PKD1L1: variants seen among roughly 807,000 people sequenced by gnomAD.
PKD1L1 encodes polycystin-1-like protein 1.
A neutral mutation model predicts 323.4 loss-of-function variants in PKD1L1; 236 were observed. That is an observed-to-expected ratio of 0.73 (90% CI 0.66 to 0.81). The LOEUF (loss-of-function observed/expected upper bound fraction) is 0.81. Among genes scored for constraint, PKD1L1 ranks in the 40% least tolerant of loss-of-function variants. PKD1L1 has a pLI of 0.00. For synonymous variants in PKD1L1, 1,344 were observed against 1,335.0 expected (o/e 1.01, Z -0.15); for missense variants, 3,320 against 3,508.0 (o/e 0.95, Z 1.35).
intron 40 of PKD1L1, 134 bp from the exon 41 acceptor site, chr7:47,833,386 T>A: frequency 2.1e-6 from 2 of 957,192 alleles, no homozygotes; most frequent in African/African-American, 1.6e-5. Flanking sequence ...CTGAGGCCTC[T>A]AAAGACTTCT....
chr7:47,926,754 C>A (rs527913561), intron 7 of PKD1L1, among the ~76,000 whole-genome samples: 1 of 152,266 alleles, frequency 6.6e-6, no homozygotes, highest in South Asian at 2.1e-4. Flanking sequence ...GAGAGGAAAC[C>A]AGCATTGGTA....
At chr7:47,940,834 C>T (rs1007049819) in intron 2 of PKD1L1, among the ~76,000 whole-genome samples, 7 of 152,178 alleles carry the variant, frequency 4.6e-5, no homozygotes, top group African/African-American at 7.2e-5. Flanking sequence ...GGCTGAAGGC[C>T]GGGCAGTGAG....
chr7:47,907,302 AC>A (rs2128751409), intron 9 of PKD1L1, among the ~76,000 whole-genome samples: 1 of 152,160 alleles, frequency 6.6e-6, no homozygotes, highest in Non-Finnish European at 1.5e-5. Context: ...GGGAAATGTG[AC>A]CCCATCATCC....
intron 50 of PKD1L1, among the ~76,000 whole-genome samples, chr7:47,810,488 T>A (rs1298281965): frequency 6.6e-6 from 1 of 152,222 alleles, no homozygotes; most frequent in African/African-American, 2.4e-5. Flanking sequence ...AAGTACTTTA[T>A]GTGTCTCCCC....
the PKD1L1 span, among the ~76,000 whole-genome samples, chr7:47,956,267 T>C: frequency 3.3e-5 from 5 of 152,144 alleles, no homozygotes; most frequent in South Asian, 1.0e-3. Context: ...GTTTCTACAG[T>C]GGGAAAAGAG....
intron 36 of PKD1L1, among the ~76,000 whole-genome samples, chr7:47,837,304 G>C (rs1013056222): frequency 6.6e-6 from 1 of 152,188 alleles, no homozygotes; most frequent in Admixed American, 6.5e-5. Context: ...TGGCTGGTTA[G>C]CTGGGTACTA....
intron 15 of PKD1L1, among the ~76,000 whole-genome samples, chr7:47,893,229 CAAAAAAA>C (rs529686945): frequency 0.043 from 2,267 of 52,980 alleles, 33 homozygotes; most frequent in African/African-American, 0.079. Flanking sequence ...GACCCTATCT[CAAAAAAA>C]AAAAAAAAAA....
chr7:47,920,302 A>AAC (rs751679311), intron 7 of PKD1L1, among the ~76,000 whole-genome samples: 86 of 151,472 alleles, frequency 5.7e-4, no homozygotes, highest in Admixed American at 9.2e-4. Context: ...CAAAAACAAA[A>AAC]AAAAAAAACC....
chr7:47,897,329 C>T (rs1786977933), intron 14 of PKD1L1, among the ~76,000 whole-genome samples: 1 of 152,194 alleles, frequency 6.6e-6, no homozygotes, highest in South Asian at 2.1e-4. Context: ...TGATCAGGTT[C>T]CCGCAGCCTG....
rs753660239 is a variant in PKD1L1 at position 47,806,826 on chromosome 7, C to T, written c.7827+1421G>A. 1.1e-4 allele frequency among the ~76,000 whole-genome samples: 16 copies of T among 152,216 alleles called. 1 individual carries two copies. The highest frequency in any genetic ancestry group is 1.6e-4 in the Non-Finnish European group (11 of 68,036). The stretch of plus-strand genomic sequence containing the variant: ...GATAAGGAGGAACTACATGGAAGAG[C>T]GTGGGCTCTGGTCATGTTCCTCCAA... On this transcript the variant is annotated intron_variant, in intron 52 of 56. Transcript: ENST00000289672.
intron 17 of PKD1L1, among the ~76,000 whole-genome samples, chr7:47,887,168 T>C (rs1786703493): frequency 6.6e-6 from 1 of 152,246 alleles, no homozygotes; most frequent in African/African-American, 2.4e-5. Flanking sequence ...TCACCCTCTA[T>C]GTCTTCATGT....
intron 31 of PKD1L1, among the ~76,000 whole-genome samples, chr7:47,852,007 T>C (rs372035298): frequency 6.6e-6 from 1 of 152,228 alleles, no homozygotes; most frequent in African/African-American, 2.4e-5. Flanking sequence ...GAATAGATAT[T>C]CTTGAATTAA....
At chr7:47,953,969 T>C in the PKD1L1 span, among the ~76,000 whole-genome samples, 10 of 152,248 alleles carry the variant, frequency 6.6e-5, no homozygotes, top group African/African-American at 2.4e-4. Flanking sequence ...ACTAGAATTT[T>C]CTCTCAGCAA....
chr7:47,879,632 CAAAAA>C (rs1254218793), intron 21 of PKD1L1, among the ~76,000 whole-genome samples: 1 of 58,736 alleles, frequency 1.7e-5, no homozygotes. Flanking sequence ...GACTTTGTCT[CAAAAA>C]AAAAAAAAAA....
chr7:47,838,746 C>T (rs561740212), intron 36 of PKD1L1, among the ~76,000 whole-genome samples: 19 of 151,866 alleles, frequency 1.3e-4, no homozygotes, highest in East Asian at 3.9e-4. Flanking sequence ...GGCATGGTGG[C>T]GTGTGCCTGT....
At chr7:47,897,169 G>C (rs1786954923) in intron 14 of PKD1L1, among the ~76,000 whole-genome samples, 1 of 152,296 alleles carries the variant, frequency 6.6e-6, no homozygotes, top group Non-Finnish European at 1.5e-5. Flanking sequence ...GGGAGGATTT[G>C]CTTCCTCAGG....
chr7:47,813,140 G>A lies in PKD1L1; in HGVS notation c.7327C>T (p.Leu2443Phe). The A allele has an allele frequency of 6.2e-7, 1 of 1,613,608 alleles. No homozygotes were observed. The highest frequency in any genetic ancestry group is 8.5e-7 in the Non-Finnish European group (1 of 1,179,992). ...ACTGACCTTGTTCTGCCCAGGCTGAGCACACAGTCCTCCCTTGTCCCACAG... is the reference window on the plus strand; with the variant it reads ...ACTGACCTTGTTCTGCCCAGGCTGAACACACAGTCCTCCCTTGTCCCACAG... ...GGCGTREDCV[L>F]SLGRTRTEAH... Residue 2443 changes from leucine (L) to phenylalanine (F), a missense_variant, in exon 49 of 57, where the codon CTC becomes TTC. By Grantham distance (22) the Leu-to-Phe change is conservative (BLOSUM62 0). Coordinates refer to ENST00000289672, the MANE Select transcript of PKD1L1 (RefSeq NM_138295.5).
At chr7:47,802,505 G>A (rs1288483731) in intron 53 of PKD1L1, among the ~76,000 whole-genome samples, 1 of 152,186 alleles carries the variant, frequency 6.6e-6, no homozygotes, top group African/African-American at 2.4e-5. Flanking sequence ...CCCTTCCCTG[G>A]AGCAGGAGAC....
rs1787410374 is a variant in PKD1L1 at position 47,915,558 on chromosome 7, T to C, written c.1102A>G (p.Thr368Ala). The C allele has an allele frequency of 1.3e-6, 2 of 1,559,524 alleles. No individual in the cohort carries two copies. Among genetic ancestry groups the C allele is most frequent in the South Asian group, 2.3e-5 (2 of 88,446 alleles). The change falls in exon 8 of 57, where the codon ACC (threonine) becomes GCC (alanine). Residue 368 changes from threonine (T) to alanine (A), a missense_variant. Thr to Ala is a moderately conservative substitution (Grantham distance 58). Transcript: ENST00000289672. ...TTTTGTGTCTCTGCTTCTTTGTAGG[T>C]GGACATATCCAACTGAAAATGTAAA... ...HLLHFQLDMS[T>A]YKEAETQNTT...
Sources: gnomAD v4.1 joint callset for allele counts (sites outside exome capture counted in the v4.1 genomes callset) on GRCh38, gnomAD v4.1.1 for gene constraint, MANE v1.5 for transcripts, NCBI Gene and HGNC (gene_info 2026-07-23, HGNC 2026-07-21) for gene names.